Variants in CEP63 observed in about 807,000 individuals in gnomAD.
The protein encoded by CEP63 is centrosomal protein 63.
Under a neutral mutation model 89.1 loss-of-function variants are expected in CEP63, and 84 were observed. The ratio of observed to expected loss-of-function variants is 0.94; its 90% CI spans 0.79 to 1.13. The LOEUF (loss-of-function observed/expected upper bound fraction) is 1.13, where lower values mean the gene tolerates loss of function less well. CEP63 is among the 50% of genes most tolerant of loss of function. The pLI is 0.00. For synonymous variants in CEP63, 267 were observed against 272.5 expected, an observed-to-expected ratio of 0.98 and a Z score of 0.20; for missense variants, 838 against 813.3, an observed-to-expected ratio of 1.03 and a Z score of -0.37.
At chr3:134,547,822 T>A (rs762938532) in intron 9 of CEP63, among the ~76,000 whole-genome samples, 4 of 152,088 alleles carry the variant, frequency 2.6e-5, no homozygotes, top group Non-Finnish European at 5.9e-5. Context: ...TTGGCCAGGC[T>A]GGTCTTGAAC....
intron 1 of CEP63, among the ~76,000 whole-genome samples, chr3:134,492,817 T>C (rs1446864333): frequency 6.6e-6 from 1 of 152,260 alleles, no homozygotes; most frequent in East Asian, 1.9e-4. Flanking sequence ...CGATTGTGAC[T>C]CAATTGATTG....
chr3:134,732,527 G>A, the CEP63 span, among the ~76,000 whole-genome samples: 1 of 151,932 alleles, frequency 6.6e-6, no homozygotes, highest in Non-Finnish European at 1.5e-5. Flanking sequence ...ATAATTACTA[G>A]GTGTGCAAGA....
chr3:134,654,680 A>G, the CEP63 span, among the ~76,000 whole-genome samples: 5 of 152,148 alleles, frequency 3.3e-5, no homozygotes, highest in African/African-American at 9.7e-5. Flanking sequence ...TGCTATTGCT[A>G]TGATTTCTGC....
the CEP63 span, among the ~76,000 whole-genome samples, chr3:134,609,382 G>A: frequency 2.0e-5 from 3 of 152,148 alleles, no homozygotes; most frequent in Non-Finnish European, 4.4e-5. Flanking sequence ...TGCCTAAGAG[G>A]AGCAGTGTTG....
At chr3:134,749,307 C>A in the CEP63 span, among the ~76,000 whole-genome samples, 1 of 152,200 alleles carries the variant, frequency 6.6e-6, no homozygotes, top group Non-Finnish European at 1.5e-5. Context: ...TGCTGGTGGT[C>A]CAGGAGCCAC....
intron 1 of CEP63, among the ~76,000 whole-genome samples, chr3:134,486,904 G>C (rs930002801): frequency 6.6e-6 from 1 of 152,186 alleles, no homozygotes; most frequent in Non-Finnish European, 1.5e-5. Flanking sequence ...TAATCATGGA[G>C]ATACTTGAAG....
At chr3:134,579,909 C>G (rs1020268319), downstream of CEP63, among the ~76,000 whole-genome samples, 1 of 152,078 alleles carries the variant, frequency 6.6e-6, no homozygotes, top group African/African-American at 2.4e-5. Context: ...AACACTAAAA[C>G]ACACTAAGGG....
At chr3:134,681,849 T>C in the CEP63 span, among the ~76,000 whole-genome samples, 2 of 152,220 alleles carry the variant, frequency 1.3e-5, no homozygotes, top group Non-Finnish European at 2.9e-5. Flanking sequence ...TGCCCCATCT[T>C]ATAATATTTG....
chr3:134,675,158 A>G, the CEP63 span, among the ~76,000 whole-genome samples: 4 of 152,226 alleles, frequency 2.6e-5, no homozygotes, highest in African/African-American at 4.8e-5. Flanking sequence ...TTCAGTAACC[A>G]ATACTGTGTA....
At chr3:134,602,933 G>A in the CEP63 span, among the ~76,000 whole-genome samples, 1 of 152,236 alleles carries the variant, frequency 6.6e-6, no homozygotes, top group Non-Finnish European at 1.5e-5. Context: ...GGATGTTGGA[G>A]ACGATCAGCT....
At chr3:134,522,089 T>G (rs1947589234) in intron 3 of CEP63, among the ~76,000 whole-genome samples, 1 of 152,194 alleles carries the variant, frequency 6.6e-6, no homozygotes, top group Non-Finnish European at 1.5e-5. Flanking sequence ...TCATCTGCAT[T>G]TCTTCATTAA....
At chr3:134,781,792 T>G in the CEP63 span, among the ~76,000 whole-genome samples, 91 of 152,392 alleles carry the variant, frequency 6.0e-4, no homozygotes, top group African/African-American at 2.0e-3. Context: ...ATGATTTCCC[T>G]GTACAGTCTC....
the CEP63 span, among the ~76,000 whole-genome samples, chr3:134,706,747 G>C: frequency 6.6e-6 from 1 of 152,212 alleles, no homozygotes; most frequent in African/African-American, 2.4e-5. Flanking sequence ...TATTGGCAGG[G>C]TTGGTTCCTG....
chr3:134,751,423 T>G, the CEP63 span, among the ~76,000 whole-genome samples: 3 of 152,352 alleles, frequency 2.0e-5, no homozygotes, highest in East Asian at 3.9e-4. Flanking sequence ...CTTAACTTTT[T>G]GATGAACCTA....
At chr3:134,613,319 G>A in the CEP63 span, 1 of 152,714 alleles carries the variant, frequency 6.5e-6, no homozygotes, top group Non-Finnish European at 1.5e-5. Flanking sequence ...TGTGCCCAGG[G>A]GGACATCCTG....
Position 134,533,021 on chromosome 3 carries a change from T to C in CEP63, c.441+121T>C, listed in dbSNP as rs573549859. ...ACTATCTTAAGGACTGCCACTAAGC[T>C]ATTTCAGAGGTGAGAGGGTGATCCA... On this transcript the variant is annotated intron_variant, in intron 5 of 14. Transcript: ENST00000675561. 6 of 1,006,952 alleles carry C rather than the reference T, an allele frequency of 6.0e-6. No individual in the cohort carries two copies. In the African/African-American group the frequency reaches 6.4e-5, roughly 11 times the overall value. The allele number at this position is 1,006,952 out of a possible 1,614,324, so 62.4% of individuals were successfully genotyped here.
chr3:134,623,707 C>T, the CEP63 span, among the ~76,000 whole-genome samples: 3 of 152,164 alleles, frequency 2.0e-5, no homozygotes, highest in African/African-American at 2.4e-5. Flanking sequence ...AGCCCCTGTG[C>T]ACTGCCCCTC....
chr3:134,575,136 A>T (rs1266264750), downstream of CEP63: 72 of 247,348 alleles, frequency 2.9e-4, no homozygotes, highest in African/African-American at 2.0e-3. Context: ...TCCTTCCTTC[A>T]TCCCTCCGTC....
downstream of CEP63, among the ~76,000 whole-genome samples, chr3:134,587,927 A>C (rs1647840538): frequency 6.6e-6 from 1 of 152,208 alleles, no homozygotes; most frequent in African/African-American, 2.4e-5. Context: ...CAAGACTAAC[A>C]AACTTGAATT....
Sources: allele counts gnomAD v4.1 joint callset (sites outside exome capture counted in the v4.1 genomes callset), GRCh38; gene constraint gnomAD v4.1.1; transcripts MANE v1.5; gene names NCBI Gene and HGNC (gene_info 2026-07-23, HGNC 2026-07-21).